The following NELL2 variants were observed in gnomAD, a reference collection of about 807,000 sequenced individuals.
NELL2 encodes the protein protein kinase C-binding protein NELL2.
In NELL2, 41 loss-of-function variants were observed where a neutral mutation model predicts 109.6. The ratio of observed to expected loss-of-function variants is 0.37; its 90% CI spans 0.29 to 0.49. The LOEUF is 0.49. Ranked by LOEUF, NELL2 falls within the 20% of genes least tolerant of loss-of-function variation. The pLI, the probability that NELL2 is intolerant of heterozygous loss-of-function variation, is 0.98. For missense variants in NELL2, 900 were observed against 1,008.3 expected (o/e 0.89, Z 1.45); for synonymous variants, 355 against 344.7 (o/e 1.03, Z -0.33).
intron 9 of NELL2, among the ~76,000 whole-genome samples, chr12:44,722,330 T>C (rs1214720342): frequency 3.3e-5 from 5 of 152,116 alleles, no homozygotes; most frequent in Non-Finnish European, 7.4e-5. Flanking sequence ...AATGCCCCAC[T>C]AATTTTTTAA....
chr12:44,648,789 G>A (rs1367360400), intron 13 of NELL2, among the ~76,000 whole-genome samples: 22 of 141,596 alleles, frequency 1.6e-4, no homozygotes, highest in African/African-American at 5.6e-4. Context: ...AGGCTGGAGT[G>A]CAGTGGCGTG....
intron 12 of NELL2, among the ~76,000 whole-genome samples, chr12:44,688,147 A>G (rs1948785754): frequency 6.6e-6 from 1 of 152,222 alleles, no homozygotes; most frequent in African/African-American, 2.4e-5. Context: ...CATATTCTAT[A>G]TTGAAGCACT....
intron 8 of NELL2, among the ~76,000 whole-genome samples, chr12:44,775,271 A>T (rs1008852971): frequency 6.8e-6 from 1 of 146,422 alleles, no homozygotes; most frequent in Non-Finnish European, 1.5e-5. Flanking sequence ...ACACACACAC[A>T]GTTCTGAACT....
Position 44,532,590 on chromosome 12 carries a change from A to G in NELL2, c.1795T>C (p.Ser599Pro). The change falls in exon 16 of 20, where the codon TCG becomes CCG. Residue 599 changes from serine to proline, a missense_variant. This residue lies in a region of NELL2 where 333 missense variants were observed against 432.3 expected (regional missense o/e 0.77). Coordinates refer to ENST00000429094, the MANE Select transcript of NELL2 (RefSeq NM_001145108.2). ...DNGMFSPSGE[S>P]CEDIDECGTG... Reference sequence around the variant, plus strand: ...TTCTCCTTGTACTGACCTTCACACGATTCTCCACTTGGTGAAAACATCCCA... The same window carrying G: ...TTCTCCTTGTACTGACCTTCACACGGTTCTCCACTTGGTGAAAACATCCCA... 2 of 1,613,390 alleles carry G rather than the reference A, an allele frequency of 1.2e-6. No homozygotes were observed. Among genetic ancestry groups the G allele is most frequent in the South Asian group, 2.2e-5 (2 of 91,012 alleles).
At chr12:44,861,491 T>C (rs531951935) in intron 2 of NELL2, among the ~76,000 whole-genome samples, 4 of 152,146 alleles carry the variant, frequency 2.6e-5, no homozygotes, top group African/African-American at 9.6e-5. Flanking sequence ...AACATTAGAT[T>C]GGCCCCCATA....
chr12:44,736,813 C>A (rs1311216182), intron 9 of NELL2, among the ~76,000 whole-genome samples: 6 of 152,058 alleles, frequency 3.9e-5, no homozygotes, highest in African/African-American at 1.4e-4. Flanking sequence ...TAGTCTCCCT[C>A]ATGAAGTTAA....
chr12:44,676,678 G>C (rs11182607), intron 12 of NELL2, among the ~76,000 whole-genome samples: 25,235 of 151,956 alleles, frequency 0.17, 2,187 homozygotes, highest in East Asian at 0.23. Context: ...TTTCTTGCTA[G>C]TCTTGATAGA....
intron 1 of NELL2, among the ~76,000 whole-genome samples, chr12:44,907,838 T>C (rs1396909506): frequency 1.3e-5 from 2 of 152,070 alleles, no homozygotes; most frequent in African/African-American, 4.8e-5. Context: ...CTTGAGTGCA[T>C]TCAAGAAATA....
At chr12:44,511,345 C>T (rs1463274538) in intron 19 of NELL2, among the ~76,000 whole-genome samples, 1 of 152,100 alleles carries the variant, frequency 6.6e-6, no homozygotes, top group Non-Finnish European at 1.5e-5. Flanking sequence ...ACAAAAATAA[C>T]AATTGAAAGC....
chr12:44,553,852 TATC>T (rs1363650551), intron 15 of NELL2, among the ~76,000 whole-genome samples: 3 of 152,182 alleles, frequency 2.0e-5, no homozygotes, highest in Non-Finnish European at 1.5e-5. Context: ...TGCTCATTTC[TATC>T]AACACATTAT....
At chr12:44,631,470 C>T (rs762215380) in intron 13 of NELL2, among the ~76,000 whole-genome samples, 2 of 151,834 alleles carry the variant, frequency 1.3e-5, no homozygotes, top group African/African-American at 2.4e-5. Context: ...GAAATTTATA[C>T]ATTTATATGC....
At position 44,775,372 on chromosome 12, in the gene NELL2, T is replaced by C. The variant is rs545423319; in HGVS notation, c.892-523A>G. Among the ~76,000 whole-genome samples, 13 of 152,042 alleles carry C rather than the reference T, an allele frequency of 8.6e-5. No individual in the cohort carries two copies. In the East Asian group the frequency reaches 2.3e-3, roughly 27 times the overall value. On this transcript the variant is annotated intron_variant, in intron 8 of 19. Coordinates refer to ENST00000429094, the MANE Select transcript of NELL2 (RefSeq NM_001145108.2). The stretch of plus-strand genomic sequence containing the variant: ...TTTTTAAAAGCCTAATTCACATAGA[T>C]GTCTGACTTCTTTCCAGAAAACCAG...
chr12:44,617,536 A>G (rs2136264708), intron 13 of NELL2, among the ~76,000 whole-genome samples: 1 of 135,346 alleles, frequency 7.4e-6, no homozygotes, highest in South Asian at 2.2e-4. Flanking sequence ...AAACACACAC[A>G]AAAAAATTAG....
intron 15 of NELL2, among the ~76,000 whole-genome samples, chr12:44,571,872 T>A (rs756033012): frequency 2.6e-4 from 40 of 152,356 alleles, no homozygotes; most frequent in Non-Finnish European, 5.0e-4. Context: ...TAGTAGGAAC[T>A]CTGGATCAAT....
At chr12:44,595,758 A>T (rs1310064859) in intron 15 of NELL2, among the ~76,000 whole-genome samples, 1 of 151,980 alleles carries the variant, frequency 6.6e-6, no homozygotes, top group African/African-American at 2.4e-5. Flanking sequence ...CTTGTTTTTT[A>T]AGGCTTTTGA....
At chr12:44,714,870 T>C (rs1239849675) in intron 9 of NELL2, 129 bp from the exon 10 acceptor site, 2 of 467,824 alleles carry the variant, frequency 4.3e-6, no homozygotes, top group Non-Finnish European at 7.5e-6. Flanking sequence ...ACCAGAAACC[T>C]CAATTCAATC....
At chr12:44,770,139 A>G (rs1222507874) in intron 9 of NELL2, among the ~76,000 whole-genome samples, 1 of 152,186 alleles carries the variant, frequency 6.6e-6, no homozygotes, top group Non-Finnish European at 1.5e-5. Context: ...GCAAATGGCT[A>G]TTTCAAAGAA....
At chr12:44,673,580 G>A (rs1284800094) in intron 12 of NELL2, among the ~76,000 whole-genome samples, 2 of 152,202 alleles carry the variant, frequency 1.3e-5, no homozygotes, top group East Asian at 3.9e-4. Context: ...AGCTGGTTAT[G>A]TTGTAGAGAA....
chr12:44,849,837 CA>C (rs1944481564), intron 2 of NELL2, among the ~76,000 whole-genome samples: 1 of 152,034 alleles, frequency 6.6e-6, no homozygotes, highest in Admixed American at 6.6e-5. Flanking sequence ...CTGATACATA[CA>C]ACATAAATAA....
Sources: allele counts gnomAD v4.1 joint callset (sites outside exome capture counted in the v4.1 genomes callset), GRCh38; gene constraint gnomAD v4.1.1; regional missense constraint gnomAD v4.1.1; transcripts MANE v1.5; gene names NCBI Gene and HGNC (gene_info 2026-07-23, HGNC 2026-07-21).